Variants in GTPBP1 observed in about 807,000 individuals in gnomAD.
The protein encoded by GTPBP1 is GTP binding protein 1, also known as GTP-binding protein 1.
GTPBP1 carries 23 observed loss-of-function variants against 62.0 expected under a neutral mutation model. That is an observed-to-expected ratio of 0.37 (90% CI 0.27 to 0.53). The LOEUF is 0.53. Among genes scored for constraint, GTPBP1 ranks in the 20% least tolerant of loss-of-function variants. The pLI is 0.89. For synonymous variants in GTPBP1, 344 were observed against 364.4 expected (o/e 0.94, Z 0.64); for missense variants, 640 against 917.3 (o/e 0.70, Z 3.90).
At chr22:38,740,395 C>T, downstream of GTPBP1, 1 of 1,572,188 alleles carries the variant, frequency 6.4e-7, no homozygotes, top group Non-Finnish European at 8.6e-7. This position sits in a 1 kb window ranked among gnomAD's most constrained non-coding sequence, Gnocchi z 4.8. Context: ...CGCCTCAGCT[C>T]CTTCACAGAG....
At chr22:38,715,326 A>T (rs1408472299) in intron 2 of GTPBP1, among the ~76,000 whole-genome samples, 1 of 151,946 alleles carries the variant, frequency 6.6e-6, no homozygotes, top group East Asian at 1.9e-4. Flanking sequence ...CCGACACTCC[A>T]TGTCACCCAT....
Position 38,706,345 on chromosome 22 carries a change from C to G in GTPBP1, c.192+198C>G, listed in dbSNP as rs955304461. Among the ~76,000 whole-genome samples, 101 of 152,326 alleles carry G rather than the reference C, an allele frequency of 6.6e-4. No individual in the cohort carries two copies. In the Middle Eastern group the frequency reaches 0.014, roughly 21 times the overall value. On this transcript the variant is annotated intron_variant, in intron 1 of 11. Coordinates refer to ENST00000216044, the MANE Select transcript of GTPBP1 (RefSeq NM_004286.5). ...AGGGGCCGTCCCCATGGTCCCCGCA[C>G]CCACCTTGGCTCCCCCGCGTCGCCA... is the stretch of plus-strand genomic sequence containing the variant.
At chr22:38,718,389 G>A (rs2092682118) in intron 4 of GTPBP1, among the ~76,000 whole-genome samples, 1 of 152,134 alleles carries the variant, frequency 6.6e-6, no homozygotes, top group African/African-American at 2.4e-5. Context: ...TTTTGGTTGT[G>A]ATCCAAATGT....
intron 2 of GTPBP1, among the ~76,000 whole-genome samples, chr22:38,713,369 A>G (rs1161035210): frequency 6.6e-6 from 1 of 152,170 alleles, no homozygotes; most frequent in East Asian, 1.9e-4. Flanking sequence ...TGCTTTATTT[A>G]GGACCTTAAG....
intron 2 of GTPBP1, among the ~76,000 whole-genome samples, chr22:38,710,758 C>T (rs2092633903): frequency 6.6e-6 from 1 of 152,152 alleles, no homozygotes; most frequent in African/African-American, 2.4e-5. Context: ...TCAGGAACCA[C>T]ATATAGGTCA....
chr22:38,741,856 G>A (rs1014428683), downstream of GTPBP1, among the ~76,000 whole-genome samples: 26 of 152,194 alleles, frequency 1.7e-4, no homozygotes, highest in Admixed American at 1.7e-3. Flanking sequence ...GAGAAGGTGA[G>A]GAGGCCTGGC....
chr22:38,713,246 A>G (rs1028754453), intron 2 of GTPBP1, among the ~76,000 whole-genome samples: 1 of 152,182 alleles, frequency 6.6e-6, no homozygotes, highest in Non-Finnish European at 1.5e-5. Context: ...ACCATGACAG[A>G]GCTTACAAGA....
Position 38,716,159 on chromosome 22 carries a change from G to T in GTPBP1, c.485+72G>T. On this transcript the variant is annotated intron_variant, in intron 3 of 11. Coordinates refer to ENST00000216044, the MANE Select transcript of GTPBP1 (RefSeq NM_004286.5). The surrounding 1 kb of genome is among the most constrained non-coding windows in gnomAD (Gnocchi z 5.2). The stretch of plus-strand genomic sequence containing the variant: ...TTGGTGACTGAGCCTGTGGCACTTG[G>T]CGTGTCAGCTCCATCCTTTCCCCTC... The T allele has an allele frequency of 8.0e-7, 1 of 1,242,344 alleles. No homozygotes were observed. The allele number at this position is 1,242,344 out of a possible 1,614,324, so 77.0% of individuals were successfully genotyped here. A position where few individuals can be genotyped will look rare whatever the true frequency, so the allele number is the denominator to read the frequency against.
intron 10 of GTPBP1, chr22:38,728,645 C>T (rs2092739625): frequency 5.9e-6 from 1 of 169,536 alleles, no homozygotes; most frequent in Non-Finnish European, 1.3e-5. Flanking sequence ...GGTTTGACCC[C>T]TGCTCCGTAC....
At chr22:38,739,267 C>T, downstream of GTPBP1, 2 of 1,512,928 alleles carry the variant, frequency 1.3e-6, no homozygotes, top group South Asian at 1.1e-5. The surrounding 1 kb of genome is among the most constrained non-coding windows in gnomAD (Gnocchi z 6.7). Flanking sequence ...GCCCCACCAC[C>T]AACCTGGTAG....
At chr22:38,721,898 C>G in intron 5 of GTPBP1, 33 bp downstream of exon 5, 1 of 1,529,250 alleles carries the variant, frequency 6.5e-7, no homozygotes, top group South Asian at 1.2e-5. Flanking sequence ...AGCAGCCCCT[C>G]TGATTGGGGC....
At chr22:38,740,532 G>C, downstream of GTPBP1, 1 of 1,307,770 alleles carries the variant, frequency 7.6e-7, no homozygotes, top group Non-Finnish European at 1.0e-6. The surrounding 1 kb of genome is among the most constrained non-coding windows in gnomAD (Gnocchi z 4.8). Flanking sequence ...CCCGTCAGGA[G>C]AGCGGGTGCC....
At chr22:38,714,508 G>A (rs960145433) in intron 2 of GTPBP1, among the ~76,000 whole-genome samples, 4 of 150,888 alleles carry the variant, frequency 2.7e-5, no homozygotes, top group Non-Finnish European at 4.4e-5. Context: ...AAGGCCACTG[G>A]TGGCATGTGA....
intron 2 of GTPBP1, among the ~76,000 whole-genome samples, chr22:38,712,848 C>T (rs2092647744): frequency 6.6e-6 from 1 of 152,250 alleles, no homozygotes. Flanking sequence ...AAGGCTTTCA[C>T]AGCTCACTTT....
At chr22:38,736,188 C>T (rs567466607), downstream of GTPBP1, 44 of 1,361,116 alleles carry the variant, frequency 3.2e-5, no homozygotes, top group Non-Finnish European at 3.7e-5. Flanking sequence ...GTCAGAGCGC[C>T]GAGCAAGCGT....
chr22:38,706,053 C>A lies in GTPBP1; in HGVS notation c.98C>A (p.Ala33Glu), dbSNP rs2092602094. The A allele has an allele frequency of 7.3e-7, 1 of 1,367,508 alleles. No homozygotes were observed. The highest frequency in any genetic ancestry group is 9.4e-7 in the Non-Finnish European group (1 of 1,061,014). 84.7% of individuals were successfully genotyped at this position (1,367,508 alleles called of 1,614,324 possible). A position where few individuals can be genotyped will look rare whatever the true frequency, so the allele number is the denominator to read the frequency against. The change falls in exon 1 of 12, where the codon GCG becomes GAG. Residue 33 changes from alanine (A) to glutamate (E), a missense_variant. Around this residue, in one of 4 missense-constraint regions of GTPBP1, gnomAD observed 215 missense variants for 235.1 expected, o/e 0.91. Transcript: ENST00000216044. ...TCCCCGGGGGCGGCCAGGGCCGCGG[C>A]GGCCGCCGCCCGACTCCACGGCGGC... is the stretch of plus-strand genomic sequence containing the variant. ...PSSPGAARAA[A>E]AAARLHGGFD...
chr22:38,727,113 G>A lies in GTPBP1; in HGVS notation c.1402-100G>A. 8.5e-7 allele frequency: 1 copy of A among 1,176,340 alleles called. No homozygotes were observed. Among genetic ancestry groups the A allele is most frequent in the Non-Finnish European group, 1.2e-6 (1 of 852,708 alleles). The allele number at this position is 1,176,340 out of a possible 1,614,324, so 72.9% of individuals were successfully genotyped here. A position where few individuals can be genotyped will look rare whatever the true frequency, so the allele number is the denominator to read the frequency against. Reference sequence around the variant, plus strand: ...TGGTGAGGAAACCAGGCAGAGTTGGGGTGGTCCCTATCCCTAGAAAGACTC... The same window carrying A: ...TGGTGAGGAAACCAGGCAGAGTTGGAGTGGTCCCTATCCCTAGAAAGACTC... On this transcript the variant is annotated intron_variant, in intron 8 of 11. Transcript: ENST00000216044. The surrounding 1 kb of genome is among the most constrained non-coding windows in gnomAD (Gnocchi z 6.5).
At chr22:38,715,786 C>A (rs984006173) in intron 2 of GTPBP1, 121 bp from the exon 3 acceptor site, 14 of 737,884 alleles carry the variant, frequency 1.9e-5, no homozygotes, top group Non-Finnish European at 2.3e-6. Context: ...GACCCCTGTT[C>A]CTCTGCAGTG....
chr22:38,710,182 C>A (rs2092630210), intron 2 of GTPBP1, among the ~76,000 whole-genome samples: 2 of 152,198 alleles, frequency 1.3e-5, no homozygotes, highest in African/African-American at 4.8e-5. Context: ...GGTAATAATT[C>A]TTTTGTAGTT....
Sources: allele counts gnomAD v4.1 joint callset (sites outside exome capture counted in the v4.1 genomes callset), GRCh38; gene constraint gnomAD v4.1.1; regional missense constraint gnomAD v4.1.1; non-coding constraint Gnocchi (gnomAD v3.1); transcripts MANE v1.5; gene names NCBI Gene and HGNC (gene_info 2026-07-23, HGNC 2026-07-21).